Variants in TOX observed in about 807,000 individuals in gnomAD.
TOX encodes thymocyte selection-associated high mobility group box protein TOX.
Under a neutral mutation model 53.7 loss-of-function variants are expected in TOX, and 11 were observed. The ratio of observed to expected loss-of-function variants is 0.20; its 90% CI spans 0.13 to 0.34. The LOEUF (loss-of-function observed/expected upper bound fraction) is 0.34, where lower values mean the gene tolerates loss of function less well. TOX is among the 10% of genes least tolerant of loss of function. The pLI is 1.00. For synonymous variants in TOX, 225 were observed against 245.3 expected (o/e 0.92, Z 0.77); for missense variants, 570 against 664.6 (o/e 0.86, Z 1.56).
intron 1 of TOX, among the ~76,000 whole-genome samples, chr8:58,970,815 A>G (rs945591786): frequency 8.5e-5 from 13 of 152,344 alleles, no homozygotes; most frequent in Non-Finnish European, 1.2e-4. Flanking sequence ...TGTCACAACT[A>G]AAAGTATTTC....
chr8:59,033,732 C>T (rs549620320), intron 1 of TOX, among the ~76,000 whole-genome samples: 203 of 152,230 alleles, frequency 1.3e-3, no homozygotes, highest in Non-Finnish European at 2.5e-3. Context: ...CTCTCCATCA[C>T]GTCAGGGGAA....
chr8:58,957,145 G>A (rs955720404), intron 2 of TOX, among the ~76,000 whole-genome samples: 1 of 152,180 alleles, frequency 6.6e-6, no homozygotes, highest in Non-Finnish European at 1.5e-5. Context: ...AGTTCAGGAG[G>A]CATTAAGCAA....
intron 1 of TOX, among the ~76,000 whole-genome samples, chr8:59,106,670 T>C (rs970827041): frequency 6.6e-5 from 10 of 152,160 alleles, no homozygotes; most frequent in Non-Finnish European, 1.3e-4. Context: ...TATGCACACA[T>C]GATACGCAAT....
intron 5 of TOX, among the ~76,000 whole-genome samples, chr8:58,835,327 G>T (rs1399869345): frequency 6.6e-6 from 1 of 152,050 alleles, no homozygotes; most frequent in African/African-American, 2.4e-5. Context: ...CAATTAAAAA[G>T]CCTTGCACAT....
chr8:58,871,709 T>C (rs2129170048), intron 3 of TOX, among the ~76,000 whole-genome samples: 1 of 152,264 alleles, frequency 6.6e-6, no homozygotes, highest in South Asian at 2.1e-4. Context: ...GGATAGTGGA[T>C]GTGGGTGCCA....
intron 1 of TOX, among the ~76,000 whole-genome samples, chr8:59,038,100 T>G (rs1033817334): frequency 6.6e-6 from 1 of 152,238 alleles, no homozygotes; most frequent in Non-Finnish European, 1.5e-5. Context: ...GTATCCAACA[T>G]GAATTTTATG....
chr8:59,036,853 T>C (rs758040354), intron 1 of TOX, among the ~76,000 whole-genome samples: 2 of 152,228 alleles, frequency 1.3e-5, no homozygotes, highest in Non-Finnish European at 2.9e-5. Context: ...GATAATAAGA[T>C]AGAAAGTCAT....
chr8:59,086,150 T>C (rs1226006473), intron 1 of TOX, among the ~76,000 whole-genome samples: 1 of 151,944 alleles, frequency 6.6e-6, no homozygotes, highest in Admixed American at 6.6e-5. Context: ...CATGTCCAGC[T>C]AATTTTGTGT....
chr8:59,105,242 T>C (rs1340062147), intron 1 of TOX, among the ~76,000 whole-genome samples: 1 of 152,176 alleles, frequency 6.6e-6, no homozygotes, highest in Non-Finnish European at 1.5e-5. Flanking sequence ...GACACAGCCT[T>C]AAGTGAGGCA....
At chr8:58,950,327 G>C (rs1164200995) in intron 2 of TOX, among the ~76,000 whole-genome samples, 1 of 152,142 alleles carries the variant, frequency 6.6e-6, no homozygotes, top group Non-Finnish European at 1.5e-5. Context: ...ATCAACAAAT[G>C]CTGGGTGCAA....
chr8:58,861,117 G>A (rs901250189), intron 3 of TOX, among the ~76,000 whole-genome samples: 1 of 152,184 alleles, frequency 6.6e-6, no homozygotes, highest in Admixed American at 6.6e-5. Context: ...GCCCTTGAAA[G>A]GGCTTTCCTG....
At chr8:58,839,872 G>A (rs1157044161) in intron 4 of TOX, among the ~76,000 whole-genome samples, 1 of 152,206 alleles carries the variant, frequency 6.6e-6, no homozygotes, top group Non-Finnish European at 1.5e-5. Flanking sequence ...TATGATTTCA[G>A]AGGAACTCGC....
At chr8:58,910,815 C>T (rs191712885) in intron 3 of TOX, among the ~76,000 whole-genome samples, 80 of 152,218 alleles carry the variant, frequency 5.3e-4, no homozygotes, top group African/African-American at 1.8e-3. Flanking sequence ...AGTCCCCTAT[C>T]CTGGCCCTTT....
At chr8:59,113,702 G>A (rs1211854761) in intron 1 of TOX, among the ~76,000 whole-genome samples, 2 of 152,080 alleles carry the variant, frequency 1.3e-5, no homozygotes, top group African/African-American at 4.8e-5. Flanking sequence ...AAAAGCAAGG[G>A]TGGTCCCAGG....
At chr8:58,985,826 T>C (rs1266278938) in intron 1 of TOX, among the ~76,000 whole-genome samples, 1 of 152,156 alleles carries the variant, frequency 6.6e-6, no homozygotes, top group Non-Finnish European at 1.5e-5. Flanking sequence ...TAATGTCTTA[T>C]GAAATGATTC....
intron 1 of TOX, among the ~76,000 whole-genome samples, chr8:59,060,907 T>C (rs1230935141): frequency 2.6e-5 from 4 of 152,206 alleles, no homozygotes; most frequent in Middle Eastern, 3.2e-3. Context: ...AAGCCACTCA[T>C]AACCAACCAA....
chr8:58,936,158 C>T (rs566595522), intron 3 of TOX, among the ~76,000 whole-genome samples: 1 of 152,306 alleles, frequency 6.6e-6, no homozygotes, highest in East Asian at 1.9e-4. Flanking sequence ...TGCCCAAGTT[C>T]TTTAGGTGGT....
At chr8:58,953,153 G>A (rs1812652580) in intron 2 of TOX, among the ~76,000 whole-genome samples, 1 of 151,970 alleles carries the variant, frequency 6.6e-6, no homozygotes. Context: ...AAGGCTGGAT[G>A]GGTCAAGAAT....
chr8:59,090,416 C>T (rs527749420), intron 1 of TOX, among the ~76,000 whole-genome samples: 9 of 152,224 alleles, frequency 5.9e-5, no homozygotes, highest in Admixed American at 2.6e-4. Flanking sequence ...TGTCAAGAGG[C>T]GGACACGGTG....
Sources: allele counts gnomAD v4.1 joint callset (sites outside exome capture counted in the v4.1 genomes callset), GRCh38; gene constraint gnomAD v4.1.1; transcripts MANE v1.5; gene names NCBI Gene and HGNC (gene_info 2026-07-23, HGNC 2026-07-21).